The following MGLL variants were observed in gnomAD, a reference collection of about 807,000 sequenced individuals.
MGLL encodes the protein monoglyceride lipase, also known as lysophospholipase homolog.
A neutral mutation model predicts 29.1 loss-of-function variants in MGLL; 7 were observed. That is an observed-to-expected ratio of 0.24 (90% CI 0.14 to 0.45). MGLL has a LOEUF of 0.45. Ranked by LOEUF, MGLL falls within the 20% of genes least tolerant of loss-of-function variation. The probability of loss-of-function intolerance (pLI) is 0.99; values close to 1 mark genes in which losing one functional copy is unlikely to be tolerated. For synonymous variants in MGLL, 148 were observed against 168.3 expected (o/e 0.88, Z 0.93); for missense variants, 356 against 413.6 (o/e 0.86, Z 1.21).
In MGLL at chr3:127,781,187, G is replaced by A. The variant is rs371778879; in HGVS notation, c.262+602C>T. Among the ~76,000 whole-genome samples, 866 of 151,768 alleles carry A rather than the reference G, an allele frequency of 5.7e-3. 5 individuals carry two copies. Among genetic ancestry groups the A allele is most frequent in the African/African-American group, 0.019 (802 of 41,488 alleles). Reference sequence around the variant, plus strand: ...TGTGTAGGTGCACATGTGTATGTATGTGTGTATGTGTGTTTTACGTGTATG... The same window carrying A: ...TGTGTAGGTGCACATGTGTATGTATATGTGTATGTGTGTTTTACGTGTATG... On this transcript the variant is annotated intron_variant, in intron 3 of 7. Coordinates refer to ENST00000265052, the MANE Select transcript of MGLL (RefSeq NM_007283.7).
chr3:127,758,345 G>T (rs1419805171), intron 3 of MGLL, among the ~76,000 whole-genome samples: 2 of 152,214 alleles, frequency 1.3e-5, no homozygotes, highest in Non-Finnish European at 2.9e-5. Context: ...TCTGCCAAGG[G>T]CAGGGACTTG....
Position 127,777,133 on chromosome 3 carries a change from C to T in MGLL, c.262+4656G>A, listed in dbSNP as rs144879979. On this transcript the variant is annotated intron_variant, in intron 3 of 7. Coordinates refer to ENST00000265052, the MANE Select transcript of MGLL (RefSeq NM_007283.7). ...TCCTTGCTTCACACCTCACCCAGAA[C>T]AAACACCCAATTAGGAACTTCAACC... 3.3e-5 allele frequency among the ~76,000 whole-genome samples: 5 copies of T among 152,292 alleles called. No homozygotes were observed. In the East Asian group the frequency reaches 9.6e-4, roughly 29 times the overall value.
intron 2 of MGLL, among the ~76,000 whole-genome samples, chr3:127,798,211 G>A (rs1287772436): frequency 6.6e-6 from 1 of 152,190 alleles, no homozygotes; most frequent in African/African-American, 2.4e-5. Context: ...CCAGAGTTTT[G>A]TGATAATCAC....
intron 3 of MGLL, among the ~76,000 whole-genome samples, chr3:127,737,611 G>A (rs1448303447): frequency 7.3e-6 from 1 of 137,708 alleles, no homozygotes; most frequent in Non-Finnish European, 1.5e-5. Context: ...CCAGGACACA[G>A]TGAAATCATC....
intron 3 of MGLL, among the ~76,000 whole-genome samples, chr3:127,728,107 T>C (rs948610013): frequency 3.3e-5 from 5 of 152,364 alleles, no homozygotes; most frequent in African/African-American, 1.2e-4. Context: ...TGCTTTTCAA[T>C]TTAATTTTCT....
rs566953383 is a variant in MGLL at position 127,788,354 on chromosome 3, C to T, written c.156-6459G>A. ...TTTTACTGATGAGAAAAGTGAGGTCCGCAGGTTGGATAGCTTGCCTGAGGT... is the reference window on the plus strand; with the variant it reads ...TTTTACTGATGAGAAAAGTGAGGTCTGCAGGTTGGATAGCTTGCCTGAGGT... On this transcript the variant is annotated intron_variant, in intron 2 of 7. Transcript: ENST00000265052. Among the ~76,000 whole-genome samples, 118 of 152,114 alleles carry T rather than the reference C, an allele frequency of 7.8e-4. 4 individuals are homozygous for T. The highest frequency in any genetic ancestry group is 2.9e-5 in the Non-Finnish European group (2 of 68,022).
At chr3:127,699,616 C>A (rs1004885698) in intron 6 of MGLL, among the ~76,000 whole-genome samples, 1 of 152,208 alleles carries the variant, frequency 6.6e-6, no homozygotes, top group African/African-American at 2.4e-5. Context: ...AGGTAAGAAC[C>A]TAGGCACTCT....
At chr3:127,726,208 C>A (rs116781305) in intron 3 of MGLL, among the ~76,000 whole-genome samples, 7,646 of 89,358 alleles carry the variant, frequency 0.086, 348 homozygotes, top group Admixed American at 0.14. Flanking sequence ...GAAAGAAAGA[C>A]AGAAGGAAGG....
chr3:127,748,792 G>T (rs941703066), intron 3 of MGLL, among the ~76,000 whole-genome samples: 1 of 152,120 alleles, frequency 6.6e-6, no homozygotes, highest in Non-Finnish European at 1.5e-5. Flanking sequence ...TGGCCCTAGC[G>T]GACTCATACA....
intron 6 of MGLL, among the ~76,000 whole-genome samples, chr3:127,707,395 C>A (rs766484914): frequency 1.3e-5 from 2 of 152,218 alleles, no homozygotes; most frequent in African/African-American, 2.4e-5. Flanking sequence ...TTTAGAATCA[C>A]GTTCAAGGCT....
intron 2 of MGLL, among the ~76,000 whole-genome samples, chr3:127,782,446 G>A (rs1410181918): frequency 6.6e-6 from 1 of 152,102 alleles, no homozygotes; most frequent in African/African-American, 2.4e-5. Flanking sequence ...GTCCCATGAA[G>A]GTTCATTTCT....
intron 2 of MGLL, chr3:127,783,778 T>G (rs971574003): frequency 6.6e-6 from 1 of 152,290 alleles, no homozygotes; most frequent in Admixed American, 6.5e-5. Context: ...AAATGACACC[T>G]GCCCACCTGA....
At chr3:127,695,925 G>T (rs1190103184) in intron 6 of MGLL, among the ~76,000 whole-genome samples, 2 of 152,226 alleles carry the variant, frequency 1.3e-5, no homozygotes, top group Non-Finnish European at 2.9e-5. Flanking sequence ...TGGATGAGGG[G>T]CAAACAGTAA....
chr3:127,813,295 C>T (rs1332014223), intron 2 of MGLL, among the ~76,000 whole-genome samples: 1 of 152,148 alleles, frequency 6.6e-6, no homozygotes, highest in African/African-American at 2.4e-5. Flanking sequence ...CACAGTTTCT[C>T]CCCTCCTCCC....
chr3:127,726,431 A>ATT (rs1211531067), intron 3 of MGLL, among the ~76,000 whole-genome samples: 2 of 151,172 alleles, frequency 1.3e-5, no homozygotes, highest in African/African-American at 4.9e-5. Flanking sequence ...AAGGTTTTTT[A>ATT]TTTTTTTTTA....
intron 3 of MGLL, among the ~76,000 whole-genome samples, chr3:127,768,682 A>G (rs2076897898): frequency 6.6e-6 from 1 of 152,106 alleles, no homozygotes; most frequent in Non-Finnish European, 1.5e-5. Flanking sequence ...CCTGGATAGA[A>G]ATATCCTTTC....
At chr3:127,797,686 C>T (rs1164500661) in intron 2 of MGLL, among the ~76,000 whole-genome samples, 2 of 152,202 alleles carry the variant, frequency 1.3e-5, no homozygotes, top group African/African-American at 4.8e-5. Context: ...TGGCTCACTG[C>T]AGCCTCAAAC....
chr3:127,810,624 A>G (rs1366955568), intron 2 of MGLL, among the ~76,000 whole-genome samples: 1 of 152,232 alleles, frequency 6.6e-6, no homozygotes, highest in Non-Finnish European at 1.5e-5. Flanking sequence ...AGATGCCTTC[A>G]AAGGCAGGAG....
intron 3 of MGLL, among the ~76,000 whole-genome samples, chr3:127,758,027 C>T (rs534621085): frequency 2.6e-5 from 4 of 152,284 alleles, no homozygotes; most frequent in Middle Eastern, 3.4e-3. Context: ...CAGCTGCACA[C>T]GACCTCTGTC....
Sources: gnomAD v4.1 joint callset for allele counts (sites outside exome capture counted in the v4.1 genomes callset) on GRCh38, gnomAD v4.1.1 for gene constraint, MANE v1.5 for transcripts, NCBI Gene and HGNC (gene_info 2026-07-23, HGNC 2026-07-21) for gene names.